Variants in TRAPPC10 observed in about 807,000 individuals in gnomAD.
The protein encoded by TRAPPC10 is trafficking protein particle complex subunit 10, also known as TRAPP 130 kDa subunit.
TRAPPC10 carries 23 observed loss-of-function variants against 125.5 expected under a neutral mutation model. That is an observed-to-expected ratio of 0.18 (90% CI 0.13 to 0.26). TRAPPC10 has a LOEUF of 0.26. TRAPPC10 is among the 10% of genes least tolerant of loss of function. The pLI is 1.00. For synonymous variants in TRAPPC10, 509 were observed against 518.0 expected (o/e 0.98, Z 0.24); for missense variants, 1,123 against 1,308.4 (o/e 0.86, Z 2.19).
At chr21:44,047,698 C>T (rs1375222217) in intron 3 of TRAPPC10, among the ~76,000 whole-genome samples, 1 of 152,142 alleles carries the variant, frequency 6.6e-6, no homozygotes, top group African/African-American at 2.4e-5. Context: ...ACCTTTTCTT[C>T]TGCAGTGTCT....
chr21:44,084,084 G>A, intron 14 of TRAPPC10, 38 bp from the exon 15 acceptor site: 1 of 1,612,150 alleles, frequency 6.2e-7, no homozygotes, highest in East Asian at 2.2e-5. Context: ...TGCAAAACTG[G>A]GTGACGTGGT....
chr21:44,080,260 T>TCAG, intron 13 of TRAPPC10, 133 bp downstream of exon 13: 2 of 748,636 alleles, frequency 2.7e-6, no homozygotes, highest in Non-Finnish European at 4.3e-6. Context: ...TGTATCTATG[T>TCAG]CTTTCACCTG....
intron 17 of TRAPPC10, chr21:44,088,277 C>T (rs983961150): frequency 3.0e-5 from 8 of 270,146 alleles, no homozygotes; most frequent in African/African-American, 6.5e-5. Flanking sequence ...GTGTGTGCCT[C>T]GGTGTCTGTC....
intron 11 of TRAPPC10, among the ~76,000 whole-genome samples, chr21:44,078,896 T>C (rs2037474611): frequency 1.3e-5 from 2 of 152,188 alleles, no homozygotes; most frequent in South Asian, 4.1e-4. Flanking sequence ...CAGTGAGCTA[T>C]GATCACACCA....
chr21:44,067,855 C>A (rs1020974165), intron 7 of TRAPPC10, among the ~76,000 whole-genome samples: 1 of 152,080 alleles, frequency 6.6e-6, no homozygotes, highest in African/African-American at 2.4e-5. Context: ...GGCACAGTGG[C>A]TCAAGCCTGT....
rs1394502827 is a variant in TRAPPC10, at chr21:44,059,086, G to GT, written c.679-16dup. Reference sequence around the variant, plus strand: ...TTATGTTTTTGTTTTTTTAAAAAACGTATCTTGGGCGAATAGGAGGAGCTT... The same window carrying GT: ...TTATGTTTTTGTTTTTTTAAAAAACGTTATCTTGGGCGAATAGGAGGAGCTT... On this transcript the variant is annotated splice_polypyrimidine_tract_variant and intron_variant, in intron 5 of 22. Coordinates refer to ENST00000291574, the MANE Select transcript of TRAPPC10 (RefSeq NM_003274.5). The surrounding 1 kb of genome is among the most constrained non-coding windows in gnomAD (Gnocchi z 4.4). The GT allele has an allele frequency of 2.6e-5, 41 of 1,563,046 alleles. No homozygotes were observed. Among genetic ancestry groups the GT allele is most frequent in the Non-Finnish European group, 3.2e-5 (37 of 1,156,574 alleles).
At chr21:44,047,131 C>T (rs1358801022) in intron 3 of TRAPPC10, 1 of 527,364 alleles carries the variant, frequency 1.9e-6, no homozygotes, top group East Asian at 4.0e-5. Context: ...CTTCGGCGCA[C>T]TGTGATTCAA....
Position 44,079,560 on chromosome 21 carries a change from C to G in TRAPPC10, c.1470-4C>G. 1 of 1,586,138 alleles carries G rather than the reference C, an allele frequency of 6.3e-7. No homozygotes were observed. Among genetic ancestry groups the G allele is most frequent in the Non-Finnish European group, 8.5e-7 (1 of 1,173,278 alleles). ...TGAAAGCTACTGTTTGTTGACTTTG[C>G]AAGGAGGAAAAAGGCTCCACAAAAG... On this transcript the variant is annotated splice_polypyrimidine_tract_variant and splice_region_variant and intron_variant, in intron 11 of 22. Transcript: ENST00000291574.
At chr21:44,024,145 T>C (rs1413342653) in intron 1 of TRAPPC10, among the ~76,000 whole-genome samples, 2 of 152,378 alleles carry the variant, frequency 1.3e-5, no homozygotes, top group African/African-American at 4.8e-5. Flanking sequence ...TTCACTCTTT[T>C]TGATGAAAAC....
chr21:44,082,631 G>T lies in TRAPPC10; in HGVS notation c.1724-157G>T, dbSNP rs1156454147. ...GCTTTTGATACAATAGCCTTTGGGG[G>T]GTGTGAAGATGGCAGGAGGCTGGGC... On this transcript the variant is annotated intron_variant, in intron 13 of 22. Coordinates refer to ENST00000291574, the MANE Select transcript of TRAPPC10 (RefSeq NM_003274.5). This position sits in a 1 kb window ranked among gnomAD's most constrained non-coding sequence, Gnocchi z 4.4. Among the ~76,000 whole-genome samples, 3 of 151,650 alleles carry T rather than the reference G, an allele frequency of 2.0e-5. No homozygotes were observed. In the East Asian group the frequency reaches 5.9e-4, roughly 30 times the overall value.
At chr21:44,041,787 C>T (rs7282309) in intron 3 of TRAPPC10, among the ~76,000 whole-genome samples, 1,572 of 151,794 alleles carry the variant, frequency 0.01, 25 homozygotes, top group African/African-American at 0.033. Context: ...AGTGTAGTGG[C>T]GCATTCTCGA....
intron 13 of TRAPPC10, among the ~76,000 whole-genome samples, chr21:44,081,436 G>C (rs1351354081): frequency 6.6e-6 from 1 of 152,134 alleles, no homozygotes; most frequent in African/African-American, 2.4e-5. Flanking sequence ...TGGAATTACA[G>C]ATGTGAGCCA....
chr21:44,065,796 C>G (rs1241014007), intron 7 of TRAPPC10, among the ~76,000 whole-genome samples: 1 of 152,242 alleles, frequency 6.6e-6, no homozygotes, highest in Non-Finnish European at 1.5e-5. Context: ...GAGATTCACA[C>G]TGTTTACTTA....
chr21:44,080,626 C>T (rs1317916324), intron 13 of TRAPPC10, among the ~76,000 whole-genome samples: 1 of 151,942 alleles, frequency 6.6e-6, no homozygotes, highest in African/African-American at 2.4e-5. Flanking sequence ...CAACCTCCGT[C>T]TCCCGGGTTC....
rs1476340646 is a variant in TRAPPC10, at chr21:44,087,468, C to A, written c.2540-231C>A. Among the ~76,000 whole-genome samples, 1 of 152,178 alleles carries A rather than the reference C, an allele frequency of 6.6e-6. No individual in the cohort carries two copies. Among genetic ancestry groups the A allele is most frequent in the Non-Finnish European group, 1.5e-5 (1 of 68,032 alleles). On this transcript the variant is annotated intron_variant, in intron 16 of 22. Coordinates refer to ENST00000291574, the MANE Select transcript of TRAPPC10 (RefSeq NM_003274.5). The surrounding 1 kb of genome is among the most constrained non-coding windows in gnomAD (Gnocchi z 4.6). ...ACTTGGGTGGGCCCCGTGGGAAATGCCCTTTTCCTCTCTTCAGATTGAGAT... is the reference window on the plus strand; with the variant it reads ...ACTTGGGTGGGCCCCGTGGGAAATGACCTTTTCCTCTCTTCAGATTGAGAT...
chr21:44,095,314 C>T (rs554404388), intron 20 of TRAPPC10, among the ~76,000 whole-genome samples: 8 of 152,156 alleles, frequency 5.3e-5, no homozygotes, highest in African/African-American at 1.2e-4. Flanking sequence ...GGCACGATCT[C>T]GGCTCACCAC....
intron 3 of TRAPPC10, among the ~76,000 whole-genome samples, chr21:44,049,808 T>A (rs1416783692): frequency 6.6e-6 from 1 of 152,186 alleles, no homozygotes; most frequent in African/African-American, 2.4e-5. Flanking sequence ...CTGACTCAGC[T>A]CTTGGGTCCT....
In TRAPPC10 at chr21:44,091,917, C is replaced by A; in HGVS notation, c.2871-6C>A. ...CAAAATAATACTTTTTGTTTTTCCA[C>A]TTTAGGAAATATGTTCAAGTTTGTG... On this transcript the variant is annotated splice_polypyrimidine_tract_variant and splice_region_variant and intron_variant, in intron 18 of 22. Transcript: ENST00000291574. The A allele has an allele frequency of 6.2e-7, 1 of 1,612,840 alleles. No individual in the cohort carries two copies. Among genetic ancestry groups the A allele is most frequent in the Non-Finnish European group, 8.5e-7 (1 of 1,179,568 alleles).
Position 44,063,690 on chromosome 21 carries a change from T to G in TRAPPC10, c.943T>G (p.Cys315Gly). Residue 315 changes from cysteine (C) to glycine (G), a missense_variant, in exon 7 of 23, where the codon TGC becomes GGC. Physicochemically the swap from Cys to Gly is radical, Grantham distance 159. Coordinates refer to ENST00000291574, the MANE Select transcript of TRAPPC10 (RefSeq NM_003274.5). The surrounding 1 kb of genome is among the most constrained non-coding windows in gnomAD (Gnocchi z 4.4). ...GCGCAGTTACCTGTTCTCTCGCCAG[T>G]GCACCTTGCTGCTCTTCCTGCAGAG... Reference protein sequence around the residue: ...DLRSYLFSRQCTLLLFLQRPW... With the variant: ...DLRSYLFSRQGTLLLFLQRPW... 6.2e-7 allele frequency: 1 copy of G among 1,614,240 alleles called. No homozygotes were observed. Among genetic ancestry groups the G allele is most frequent in the Non-Finnish European group, 8.5e-7 (1 of 1,180,040 alleles).
Sources: allele counts gnomAD v4.1 joint callset (sites outside exome capture counted in the v4.1 genomes callset), GRCh38; gene constraint gnomAD v4.1.1; non-coding constraint Gnocchi (gnomAD v3.1); transcripts MANE v1.5; gene names NCBI Gene and HGNC (gene_info 2026-07-23, HGNC 2026-07-21).